Variants in PDK1 observed in about 807,000 individuals in gnomAD.
The protein encoded by PDK1 is pyruvate dehydrogenase kinase 1, also known as [Pyruvate dehydrogenase (acetyl-transferring)] kinase isozyme 1, mitochondrial.
In PDK1, 39 loss-of-function variants were observed where a neutral mutation model predicts 54.2. The observed-to-expected ratio is 0.72, with a 90% confidence interval of 0.56 to 0.94. The LOEUF is 0.94. PDK1 is among the 40% of genes least tolerant of loss of function. PDK1 has a pLI of 0.00. For synonymous variants in PDK1, 221 were observed against 207.1 expected, an observed-to-expected ratio of 1.07 and a Z score of -0.58; for missense variants, 552 against 566.0, an observed-to-expected ratio of 0.98 and a Z score of 0.25.
chr2:172,694,454 A>G, the PDK1 span, among the ~76,000 whole-genome samples: 2 of 152,206 alleles, frequency 1.3e-5, no homozygotes, highest in African/African-American at 4.8e-5. Context: ...AAAAAAATCA[A>G]TTCCTGCCAG....
At chr2:172,659,798 C>CGG in the PDK1 span, among the ~76,000 whole-genome samples, 1 of 152,212 alleles carries the variant, frequency 6.6e-6, no homozygotes, top group Non-Finnish European at 1.5e-5. Context: ...CCAAGCCCTG[C>CGG]ATGACTGTCT....
chr2:172,718,090 C>A, the PDK1 span, among the ~76,000 whole-genome samples: 1 of 152,006 alleles, frequency 6.6e-6, no homozygotes, highest in South Asian at 2.1e-4. Flanking sequence ...TAGAAGAAAC[C>A]AGGAATTTGT....
the PDK1 span, among the ~76,000 whole-genome samples, chr2:172,652,270 C>T: frequency 1.3e-5 from 2 of 152,090 alleles, no homozygotes; most frequent in Non-Finnish European, 2.9e-5. Context: ...ATTCAACAGC[C>T]CTTCATGCTA....
rs1278615440 is a variant in PDK1 at position 172,598,018 on chromosome 2, A to T, written c.*2049A>T. On this transcript the variant is annotated 3_prime_UTR_variant, in exon 11 of 11. Coordinates refer to ENST00000282077, the MANE Select transcript of PDK1 (RefSeq NM_002610.5). The stretch of plus-strand genomic sequence containing the variant: ...CAGAGCTGCTTAGCTAATCTGACCA[A>T]ATGTTGGGAAAAATGTCTCACCTAA... The T allele has an allele frequency of 3.3e-5, 5 of 152,216 alleles. No individual in the cohort carries two copies. Among genetic ancestry groups the T allele is most frequent in the Admixed American group, 2.6e-4 (4 of 15,274 alleles). 9.4% of individuals were successfully genotyped at this position (152,216 alleles called of 1,614,324 possible). A position where few individuals can be genotyped will look rare whatever the true frequency, so the allele number is the denominator to read the frequency against.
At chr2:172,675,534 A>G in the PDK1 span, among the ~76,000 whole-genome samples, 4 of 152,240 alleles carry the variant, frequency 2.6e-5, no homozygotes, top group East Asian at 7.7e-4. Context: ...CCCTTCAGCC[A>G]AAGTCTAATC....
the PDK1 span, among the ~76,000 whole-genome samples, chr2:172,628,350 A>G: frequency 0.76 from 115,709 of 152,212 alleles, 44,935 homozygotes; most frequent in East Asian, 0.98. Context: ...TGCCGGGCTA[A>G]TAGAACCCAT....
chr2:172,690,528 G>GCTA, the PDK1 span, among the ~76,000 whole-genome samples: 2,019 of 150,190 alleles, frequency 0.013, 64 homozygotes, highest in African/African-American at 0.046. Context: ...TATAAATCAT[G>GCTA]CTACTATAAA....
the PDK1 span, among the ~76,000 whole-genome samples, chr2:172,687,793 A>C: frequency 3.2e-4 from 49 of 152,312 alleles, no homozygotes; most frequent in African/African-American, 1.2e-3. Context: ...TGCATTGTGT[A>C]AAATCAGCCT....
At chr2:172,680,645 A>T in the PDK1 span, among the ~76,000 whole-genome samples, 1 of 152,048 alleles carries the variant, frequency 6.6e-6, no homozygotes, top group Non-Finnish European at 1.5e-5. Flanking sequence ...GGGATTATAG[A>T]TGTGTGCTAT....
At chr2:172,675,277 C>T in the PDK1 span, among the ~76,000 whole-genome samples, 2 of 152,206 alleles carry the variant, frequency 1.3e-5, no homozygotes, top group Admixed American at 1.3e-4. Context: ...TCTCACCTCT[C>T]TCACTTTAAT....
chr2:172,571,823 C>CTTTTTTTTTTTTTTTTTTTTTT (rs36031428), intron 8 of PDK1, among the ~76,000 whole-genome samples: 2 of 99,784 alleles, frequency 2.0e-5, no homozygotes, highest in Non-Finnish European at 4.1e-5. Context: ...TCTTTCTTTA[C>CTTTTTTTTTTTTTTTTTTTTTT]TTTTTTTTTT....
At chr2:172,594,506 A>G (rs1690785162) in intron 10 of PDK1, among the ~76,000 whole-genome samples, 1 of 152,222 alleles carries the variant, frequency 6.6e-6, no homozygotes, top group Non-Finnish European at 1.5e-5. Flanking sequence ...GTTTTAAGAA[A>G]GTTTACAAAT....
chr2:172,668,894 C>CACACAT, the PDK1 span, among the ~76,000 whole-genome samples: 26 of 113,176 alleles, frequency 2.3e-4, 1 homozygote, highest in East Asian at 1.3e-3. Flanking sequence ...CACACACACA[C>CACACAT]ATATATATAT....
the PDK1 span, among the ~76,000 whole-genome samples, chr2:172,658,663 C>T: frequency 6.6e-6 from 1 of 152,076 alleles, no homozygotes; most frequent in Non-Finnish European, 1.5e-5. Context: ...TATTAAGACC[C>T]TAGGAAAAGA....
At position 172,558,817 on chromosome 2, in the gene PDK1, C is replaced by T. The variant is rs1688499029; in HGVS notation, c.306C>T (p.Leu102=). 6.2e-7 allele frequency: 1 copy of T among 1,611,796 alleles called. No individual in the cohort carries two copies. Among genetic ancestry groups the T allele is most frequent in the South Asian group, 1.1e-5 (1 of 90,646 alleles). Residue 102 remains leucine, a synonymous_variant, in exon 2 of 11, where the codon CTC becomes CTT. Coordinates refer to ENST00000282077, the MANE Select transcript of PDK1 (RefSeq NM_002610.5). ...KEISLLPDNL[L]RTPSVQLVQS... ...TAAGTCTCCTTCCAGATAATCTTCT[C>T]AGGACACCATCCGTTCAATTGGTAC...
Position 172,593,382 on chromosome 2 carries a change from CT to C in PDK1, c.1170+343del, listed in dbSNP as rs553294028. On this transcript the variant is annotated intron_variant, in intron 10 of 10. Coordinates refer to ENST00000282077, the MANE Select transcript of PDK1 (RefSeq NM_002610.5). ...CCAAACTTTTGATGTACTGCCAAGGCTTTTTTTTTGTATATGGGTCTGCAGA... is the reference window on the plus strand; with the variant it reads ...CCAAACTTTTGATGTACTGCCAAGGCTTTTTTTTGTATATGGGTCTGCAGA... Among the ~76,000 whole-genome samples the C allele has an allele frequency of 2.5e-3, 380 of 151,238 alleles. 1 individual carries two copies. The highest frequency in any genetic ancestry group is 3.2e-3 in the Non-Finnish European group (215 of 67,734).
the PDK1 span, among the ~76,000 whole-genome samples, chr2:172,722,839 A>G: frequency 6.6e-6 from 1 of 152,108 alleles, no homozygotes; most frequent in South Asian, 2.1e-4. Flanking sequence ...TGTTACTTAT[A>G]TAAGTTGGTA....
chr2:172,704,072 C>G, the PDK1 span, among the ~76,000 whole-genome samples: 1 of 152,128 alleles, frequency 6.6e-6, no homozygotes, highest in African/African-American at 2.4e-5. Flanking sequence ...CCGTGCCCGG[C>G]CTACTTTTTC....
chr2:172,560,691 T>G (rs1439304646), intron 2 of PDK1, among the ~76,000 whole-genome samples: 1 of 152,254 alleles, frequency 6.6e-6, no homozygotes, highest in African/African-American at 2.4e-5. Context: ...TTAAAATGTT[T>G]ATTTTTCTGT....
Sources: gnomAD v4.1 joint callset for allele counts (sites outside exome capture counted in the v4.1 genomes callset) on GRCh38, gnomAD v4.1.1 for gene constraint, MANE v1.5 for transcripts, NCBI Gene and HGNC (gene_info 2026-07-23, HGNC 2026-07-21) for gene names.